Variants in NBDY observed in about 807,000 individuals in gnomAD.
The protein encoded by NBDY is negative regulator of P-body association, also known as P-body dissociating protein.
At chrX:56,753,993 A>C (rs1393965120) in intron 2 of NBDY, among the ~76,000 whole-genome samples, 3 of 111,306 alleles carry the variant, frequency 2.7e-5, no homozygotes, top group Non-Finnish European at 5.7e-5. Flanking sequence ...AAGGGGAAGA[A>C]AGTTATAATA....
chrX:56,816,342 C>T (rs2069910712), intron 2 of NBDY, among the ~76,000 whole-genome samples: 1 of 111,466 alleles, frequency 9.0e-6, no homozygotes, highest in African/African-American at 3.2e-5. Flanking sequence ...TATCTACTGT[C>T]TATAAAATTG....
rs894828795 is a variant in NBDY, at chrX:56,756,365, A to G, written c.*166+24166A>G. Among the ~76,000 whole-genome samples the G allele has an allele frequency of 8.2e-5, 9 of 109,645 alleles. No individual in the cohort carries two copies. In the Admixed American group the frequency reaches 8.8e-4, roughly 11 times the overall value. On this transcript the variant is annotated intron_variant, in intron 2 of 2. Coordinates refer to ENST00000374922, the MANE Select transcript of NBDY (RefSeq NM_001348129.2). ...ATTAATTTATCCACAGCTAAATAAA[A>G]AACAATTAAAAGATCCATTTGGAAA...
Position 56,789,060 on chromosome X carries a change from AGTCAC to A in NBDY, c.*167-28256_*167-28252del. ...GTGGCACTGTGGCTCCGCAAATGGC[AGTCAC>A]GTCTTTTCCTTCCCCCACCTTGCCT... is the stretch of plus-strand genomic sequence containing the variant. On this transcript the variant is annotated intron_variant, in intron 2 of 2. Transcript: ENST00000374922. Among the ~76,000 whole-genome samples the A allele has an allele frequency of 3.5e-5, 4 of 112,943 alleles. No individual in the cohort carries two copies. The Admixed American group carries it at 3.7e-4, about 11-fold the overall frequency.
intron 2 of NBDY, among the ~76,000 whole-genome samples, chrX:56,794,094 A>C (rs774569295): frequency 3.6e-5 from 4 of 112,310 alleles, no homozygotes; most frequent in African/African-American, 9.7e-5. Flanking sequence ...TGCAGGCTGC[A>C]TGGCTGCTCT....
In NBDY at chrX:56,806,193, C is replaced by T. The variant is rs145811521; in HGVS notation, c.*167-11127C>T. 4.2e-3 allele frequency among the ~76,000 whole-genome samples: 475 copies of T among 112,142 alleles called. 2 individuals carry two copies. The highest frequency in any genetic ancestry group is 0.015 in the African/African-American group (463 of 30,866). On this transcript the variant is annotated intron_variant, in intron 2 of 2. Transcript: ENST00000374922. ...CATAGTATTCCATGATGTATATGGG[C>T]CACATTTTCTTTATCCATCTTATCA...
intron 2 of NBDY, among the ~76,000 whole-genome samples, chrX:56,791,682 G>C (rs1480546809): frequency 8.9e-6 from 1 of 111,939 alleles, no homozygotes. Context: ...ATGCATTGAC[G>C]TCTTCCTGAA....
chrX:56,783,002 A>G (rs2069704061), intron 2 of NBDY, among the ~76,000 whole-genome samples: 1 of 112,807 alleles, frequency 8.9e-6, no homozygotes, highest in Non-Finnish European at 1.9e-5. Context: ...CACACACAGA[A>G]GTAAGCTCAC....
At chrX:56,816,749 G>A (rs904506569) in intron 2 of NBDY, among the ~76,000 whole-genome samples, 1 of 110,235 alleles carries the variant, frequency 9.1e-6, no homozygotes, top group African/African-American at 3.3e-5. Flanking sequence ...AAATAAAAAG[G>A]TCTAGACAGA....
intron 2 of NBDY, among the ~76,000 whole-genome samples, chrX:56,809,934 G>T (rs779897102): frequency 3.6e-5 from 4 of 111,775 alleles, no homozygotes; most frequent in Non-Finnish European, 7.5e-5. Flanking sequence ...AGGAGCTCTT[G>T]TAAGGCAGGC....
intron 2 of NBDY, among the ~76,000 whole-genome samples, chrX:56,739,019 T>C (rs2069512741): frequency 9.3e-6 from 1 of 107,571 alleles, no homozygotes; most frequent in Admixed American, 1.0e-4. Context: ...GGGAGTCTTA[T>C]GACCCACAGT....
intron 2 of NBDY, among the ~76,000 whole-genome samples, chrX:56,791,751 A>T (rs769244025): frequency 2.7e-4 from 29 of 109,382 alleles, no homozygotes; most frequent in African/African-American, 9.7e-4. Context: ...TCTCCTTCTG[A>T]TTTTTCTTCC....
At chrX:56,741,126 A>G (rs1480873731) in intron 2 of NBDY, among the ~76,000 whole-genome samples, 1 of 111,405 alleles carries the variant, frequency 9.0e-6, no homozygotes, top group African/African-American at 3.3e-5. Flanking sequence ...TTCACTTAAC[A>G]TAATGATATC....
At chrX:56,785,494 G>A (rs1176351130) in intron 2 of NBDY, among the ~76,000 whole-genome samples, 1 of 111,278 alleles carries the variant, frequency 9.0e-6, no homozygotes, top group Admixed American at 9.5e-5. Context: ...TCCGGGTACA[G>A]TCGTCTAGGC....
intron 2 of NBDY, among the ~76,000 whole-genome samples, chrX:56,806,998 G>A (rs1018633069): frequency 1.4e-4 from 16 of 111,756 alleles, no homozygotes; most frequent in African/African-American, 5.2e-4. Flanking sequence ...TGTATAAAGT[G>A]TAAGGAAGGG....
chrX:56,784,943 C>A (rs2069718440), intron 2 of NBDY, among the ~76,000 whole-genome samples: 1 of 112,419 alleles, frequency 8.9e-6, no homozygotes, highest in Non-Finnish European at 1.9e-5. Context: ...ATGGAACACA[C>A]AGCTCTTCAA....
chrX:56,736,425 C>T (rs1044542148), intron 2 of NBDY, among the ~76,000 whole-genome samples: 4 of 111,475 alleles, frequency 3.6e-5, no homozygotes, highest in African/African-American at 6.5e-5. Flanking sequence ...CCACCATGCC[C>T]GGCCAATTTT....
At chrX:56,796,999 CCTT>C (rs774783271) in intron 2 of NBDY, among the ~76,000 whole-genome samples, 22 of 111,341 alleles carry the variant, frequency 2.0e-4, no homozygotes, top group African/African-American at 6.5e-4. Flanking sequence ...TTCTTTTTCT[CCTT>C]CTGTTTCTTC....
chrX:56,739,193 C>G (rs1870759861), intron 2 of NBDY, among the ~76,000 whole-genome samples: 1 of 89,929 alleles, frequency 1.1e-5, no homozygotes, highest in Non-Finnish European at 2.2e-5. Context: ...TTTTGTGAAG[C>G]CTAAAGTGCC....
rs765271975 is a variant in NBDY at position 56,767,028 on chromosome X, C to A, written c.*166+34829C>A. Among the ~76,000 whole-genome samples, 5 of 113,163 alleles carry A rather than the reference C, an allele frequency of 4.4e-5. No homozygotes were observed. In the South Asian group the frequency reaches 1.1e-3, roughly 25 times the overall value. On this transcript the variant is annotated intron_variant, in intron 2 of 2. Coordinates refer to ENST00000374922, the MANE Select transcript of NBDY (RefSeq NM_001348129.2). ...CCATGTGCCATCCCAAGGTGGTAAA[C>A]TCTAACTGCAACTCCAGGCTTTGGG...
Sources: allele counts gnomAD v4.1 joint callset (sites outside exome capture counted in the v4.1 genomes callset), GRCh38; gene constraint gnomAD v4.1.1; transcripts MANE v1.5; gene names NCBI Gene and HGNC (gene_info 2026-07-23, HGNC 2026-07-21).